RGS7: variants seen among roughly 807,000 people sequenced by gnomAD.
The protein encoded by RGS7 is regulator of G protein signaling 7.
Under a neutral mutation model 81.1 loss-of-function variants are expected in RGS7, and 27 were observed. The observed-to-expected ratio is 0.33, with a 90% CI of 0.25 to 0.46. The LOEUF (loss-of-function observed/expected upper bound fraction) is 0.46. Ranked by LOEUF, RGS7 falls within the 20% of genes least tolerant of loss-of-function variation. RGS7 has a pLI of 1.00. For missense variants in RGS7, 396 were observed against 607.4 expected, an observed-to-expected ratio of 0.65 and a Z score of 3.66; for synonymous variants, 208 against 207.7, an observed-to-expected ratio of 1.00 and a Z score of -0.01.
At chr1:240,876,805 CAA>C (rs1665496648) in intron 6 of RGS7, among the ~76,000 whole-genome samples, 1 of 151,928 alleles carries the variant, frequency 6.6e-6, no homozygotes, top group East Asian at 1.9e-4. Context: ...TACTAAAATA[CAA>C]AAAATTAGCT....
At chr1:240,842,145 C>A (rs1658132992) in intron 9 of RGS7, among the ~76,000 whole-genome samples, 1 of 149,696 alleles carries the variant, frequency 6.7e-6, no homozygotes, top group Non-Finnish European at 1.5e-5. Flanking sequence ...ATAAAATAAT[C>A]CCATAGAAGC....
chr1:240,992,455 G>T (rs1686592162), intron 3 of RGS7, among the ~76,000 whole-genome samples: 1 of 152,002 alleles, frequency 6.6e-6, no homozygotes. Context: ...AGTGAGCCAA[G>T]ATCACGCCAC....
intron 4 of RGS7, among the ~76,000 whole-genome samples, chr1:240,944,350 A>T (rs1196433461): frequency 7.2e-6 from 1 of 138,154 alleles, no homozygotes; most frequent in Non-Finnish European, 1.5e-5. Context: ...TGCATAGAAT[A>T]GTATTCAGAT....
At chr1:240,802,006 G>A (rs954504463) in intron 16 of RGS7, among the ~76,000 whole-genome samples, 3 of 152,068 alleles carry the variant, frequency 2.0e-5, no homozygotes, top group East Asian at 1.9e-4. Flanking sequence ...CTTGAAATTT[G>A]GCTAGAATGT....
chr1:241,127,236 T>C (rs559752325), intron 2 of RGS7, among the ~76,000 whole-genome samples: 1 of 152,298 alleles, frequency 6.6e-6, no homozygotes, highest in East Asian at 1.9e-4. Context: ...TTGAAATGTT[T>C]GGGCAATTTG....
chr1:241,065,440 A>C (rs1037298194), intron 3 of RGS7, among the ~76,000 whole-genome samples: 1 of 151,816 alleles, frequency 6.6e-6, no homozygotes, highest in African/African-American at 2.4e-5. Context: ...AATTATTTTT[A>C]TGTGTTTTCT....
At chr1:241,290,274 G>A (rs551426984) in intron 2 of RGS7, among the ~76,000 whole-genome samples, 1 of 152,326 alleles carries the variant, frequency 6.6e-6, no homozygotes, top group African/African-American at 2.4e-5. Context: ...TGATTCAGAT[G>A]ATTTGGAAAT....
chr1:240,901,495 A>C (rs776246390), intron 6 of RGS7, among the ~76,000 whole-genome samples: 3 of 152,166 alleles, frequency 2.0e-5, no homozygotes, highest in Non-Finnish European at 2.9e-5. Flanking sequence ...AACCTACCAC[A>C]CCACGTATTC....
intron 2 of RGS7, among the ~76,000 whole-genome samples, chr1:241,286,303 G>A (rs1167566088): frequency 5.3e-5 from 8 of 152,100 alleles, no homozygotes; most frequent in African/African-American, 1.9e-4. Flanking sequence ...CTGCTTCTTC[G>A]TGACAAACCT....
At chr1:241,063,518 C>A (rs992839849) in intron 3 of RGS7, among the ~76,000 whole-genome samples, 1 of 152,128 alleles carries the variant, frequency 6.6e-6, no homozygotes, top group Non-Finnish European at 1.5e-5. Context: ...AGTCAATAGG[C>A]CCCAGAGCAG....
intron 2 of RGS7, among the ~76,000 whole-genome samples, chr1:241,287,624 T>C (rs1235728459): frequency 6.6e-6 from 1 of 152,146 alleles, no homozygotes; most frequent in African/African-American, 2.4e-5. Flanking sequence ...TTTTCCCGGT[T>C]TTATTTTTTT....
intron 2 of RGS7, among the ~76,000 whole-genome samples, chr1:241,330,747 C>T (rs751074070): frequency 2.6e-5 from 4 of 152,146 alleles, no homozygotes; most frequent in East Asian, 1.9e-4. Flanking sequence ...CAAAATAAAA[C>T]GCTGTTTCTC....
chr1:241,264,500 G>GA (rs980293455), intron 2 of RGS7, among the ~76,000 whole-genome samples: 208 of 146,202 alleles, frequency 1.4e-3, no homozygotes, highest in Admixed American at 2.1e-3. Flanking sequence ...CTGTCTCAAA[G>GA]AAAAAAAAAA....
chr1:240,974,283 C>G (rs906394194), intron 4 of RGS7, among the ~76,000 whole-genome samples: 1 of 152,080 alleles, frequency 6.6e-6, no homozygotes, highest in Non-Finnish European at 1.5e-5. Context: ...TTATATTTAT[C>G]CTTAATCTTA....
rs1687746022 is a variant in RGS7 at position 240,999,086 on chromosome 1, A to C, written c.176-15957T>G. 3.3e-5 allele frequency among the ~76,000 whole-genome samples: 5 copies of C among 151,774 alleles called. No individual in the cohort carries two copies. In the South Asian group the frequency reaches 1.0e-3, roughly 31 times the overall value. The stretch of plus-strand genomic sequence containing the variant: ...CTTAGTGGTTTCTTCCATCTTATCG[A>C]TTTTGCCATTGAGCCCATCCACTGA... On this transcript the variant is annotated intron_variant, in intron 3 of 18. Coordinates refer to ENST00000440928, the MANE Select transcript of RGS7 (RefSeq NM_001364886.1).
chr1:240,984,493 G>C (rs1385458253), intron 3 of RGS7, among the ~76,000 whole-genome samples: 1 of 152,214 alleles, frequency 6.6e-6, no homozygotes, highest in Non-Finnish European at 1.5e-5. Context: ...AAGCATAGAT[G>C]AATAGAATGA....
chr1:241,280,259 C>A (rs959224756), intron 2 of RGS7, among the ~76,000 whole-genome samples: 2 of 152,142 alleles, frequency 1.3e-5, no homozygotes, highest in African/African-American at 4.8e-5. Context: ...GGTGATGCAC[C>A]TACAAGCCAA....
intron 4 of RGS7, among the ~76,000 whole-genome samples, chr1:240,975,478 C>T (rs1448288806): frequency 6.6e-6 from 1 of 152,084 alleles, no homozygotes; most frequent in Non-Finnish European, 1.5e-5. Context: ...GACAGCAAGA[C>T]TCATTTCAAA....
intron 6 of RGS7, among the ~76,000 whole-genome samples, chr1:240,914,351 G>T (rs1672249340): frequency 6.6e-6 from 1 of 152,062 alleles, no homozygotes; most frequent in Admixed American, 6.5e-5. Context: ...TTCATGCCCT[G>T]CCAATTGAGA....
Sources: allele counts gnomAD v4.1 joint callset (sites outside exome capture counted in the v4.1 genomes callset), GRCh38; gene constraint gnomAD v4.1.1; transcripts MANE v1.5; gene names NCBI Gene and HGNC (gene_info 2026-07-23, HGNC 2026-07-21).